The following PDE7A variants were observed in gnomAD, a reference collection of about 807,000 sequenced individuals.
PDE7A encodes phosphodiesterase 7A, also known as high affinity 3',5'-cyclic-AMP phosphodiesterase 7A.
Under a neutral mutation model 64.3 loss-of-function variants are expected in PDE7A, and 39 were observed. The observed-to-expected ratio is 0.61, with a 90% CI of 0.47 to 0.79. PDE7A has a LOEUF of 0.79. Ranked by LOEUF, PDE7A falls within the 30% of genes least tolerant of loss-of-function variation. The pLI is 0.00. For missense variants in PDE7A, 470 were observed against 582.8 expected, an observed-to-expected ratio of 0.81 and a Z score of 1.99; for synonymous variants, 203 against 206.8, an observed-to-expected ratio of 0.98 and a Z score of 0.16.
intron 3 of PDE7A, among the ~76,000 whole-genome samples, chr8:65,749,433 G>A (rs1807832467): frequency 6.6e-6 from 1 of 152,226 alleles, no homozygotes; most frequent in South Asian, 2.1e-4. Flanking sequence ...TGAGTAAAAT[G>A]CAAGTATCTA....
chr8:65,766,722 T>C (rs1215214355), intron 3 of PDE7A, among the ~76,000 whole-genome samples: 1 of 152,216 alleles, frequency 6.6e-6, no homozygotes, highest in Non-Finnish European at 1.5e-5. Context: ...CTCATTGTTA[T>C]TAAGTGCCTC....
chr8:65,783,676 A>G (rs1225279386), intron 1 of PDE7A, among the ~76,000 whole-genome samples: 1 of 152,234 alleles, frequency 6.6e-6, no homozygotes, highest in East Asian at 1.9e-4. Context: ...ACAAGAGCAG[A>G]AACTTTGTCT....
At position 65,782,640 on chromosome 8, in the gene PDE7A, T is replaced by TTTCCAGTATTGAA. The variant is rs750513836; in HGVS notation, c.199+142_199+143insTTCAATACTGGAA. 4.9e-4 allele frequency: 279 copies of TTTCCAGTATTGAA among 571,126 alleles called. 1 individual carries two copies. The highest frequency in any genetic ancestry group is 2.9e-4 in the Non-Finnish European group (93 of 319,428). 35.4% of individuals were successfully genotyped at this position (571,126 alleles called of 1,614,324 possible). ...TTATTCACATCACATTCAATATTGG[T>TTTCCAGTATTGAA]TTCCAGACTCTAAACTCCATGAATA... On this transcript the variant is annotated intron_variant, in intron 2 of 12. Transcript: ENST00000401827.
In PDE7A at chr8:65,747,816, G is replaced by A; in HGVS notation, c.284-13C>T. The A allele has an allele frequency of 6.3e-7, 1 of 1,584,062 alleles. No homozygotes were observed. Among genetic ancestry groups the A allele is most frequent in the Non-Finnish European group, 8.6e-7 (1 of 1,159,752 alleles). Reference sequence around the variant, plus strand: ...ATTTCAGATTGAGCTGAAATAAAAAGAATAAAAGGTAAGTATAGCAAGTTA... The same window carrying A: ...ATTTCAGATTGAGCTGAAATAAAAAAAATAAAAGGTAAGTATAGCAAGTTA... On this transcript the variant is annotated splice_polypyrimidine_tract_variant and intron_variant, in intron 3 of 12. Coordinates refer to ENST00000401827, the MANE Select transcript of PDE7A (RefSeq NM_001242318.3).
chr8:65,730,167 ACTT>A (rs201329414), intron 7 of PDE7A, among the ~76,000 whole-genome samples: 1 of 29,172 alleles, frequency 3.4e-5, no homozygotes. Flanking sequence ...CAGGTTGCGC[ACTT>A]CTTTTTTTTT....
intron 3 of PDE7A, among the ~76,000 whole-genome samples, chr8:65,759,438 A>G (rs553715675): frequency 6.6e-6 from 1 of 152,184 alleles, no homozygotes; most frequent in South Asian, 2.1e-4. Flanking sequence ...CTTCAGCCAG[A>G]TACTGCAGGC....
chr8:65,728,215 A>C (rs1806687214), intron 7 of PDE7A: 1 of 152,212 alleles, frequency 6.6e-6, no homozygotes, highest in Non-Finnish European at 1.5e-5. Context: ...TTGAGCATAC[A>C]CCACTTATAT....
At position 65,822,941 on chromosome 8, in the gene PDE7A, TTATC is replaced by T. The variant is rs149238076; in HGVS notation, c.138+18426_138+18429del. Among the ~76,000 whole-genome samples the T allele has an allele frequency of 8.6e-3, 1,286 of 148,918 alleles. 7 individuals carry two copies. The highest frequency in any genetic ancestry group is 0.011 in the African/African-American group (433 of 38,596). On this transcript the variant is annotated intron_variant, in intron 1 of 12. Coordinates refer to ENST00000401827, the MANE Select transcript of PDE7A (RefSeq NM_001242318.3). ...GCACTTATTATCTTATCTATTAACT[TTATC>T]TATCTATCTATCTATCTATATACAC...
chr8:65,791,339 T>C (rs1370364419), intron 1 of PDE7A, among the ~76,000 whole-genome samples: 1 of 152,214 alleles, frequency 6.6e-6, no homozygotes, highest in African/African-American at 2.4e-5. Context: ...CTCCCCTTCA[T>C]GGGAGGTAAG....
intron 7 of PDE7A, among the ~76,000 whole-genome samples, chr8:65,730,249 C>T (rs1169781161): frequency 1.5e-5 from 2 of 135,378 alleles, no homozygotes; most frequent in East Asian, 5.1e-4. Context: ...GGCGCAATCA[C>T]GGCTCACCGA....
At position 65,755,008 on chromosome 8, in the gene PDE7A, A is replaced by AT. The variant is rs913405237; in HGVS notation, c.284-7206dup. ...AAAATTCTTCCATCATTGCCTGTTT[A>AT]TTTTTTTTTTCACTTATTTTTTTTT... is the stretch of plus-strand genomic sequence containing the variant. On this transcript the variant is annotated intron_variant, in intron 3 of 12. Coordinates refer to ENST00000401827, the MANE Select transcript of PDE7A (RefSeq NM_001242318.3). Among the ~76,000 whole-genome samples the AT allele has an allele frequency of 1.7e-3, 249 of 143,390 alleles. 1 individual carries two copies. Among genetic ancestry groups the AT allele is most frequent in the African/African-American group, 5.4e-3 (214 of 39,378 alleles). The allele number at this position is 143,390 out of a possible 152,430, so 94.1% of individuals were successfully genotyped here. A position where few individuals can be genotyped will look rare whatever the true frequency, so the allele number is the denominator to read the frequency against.
intron 6 of PDE7A, among the ~76,000 whole-genome samples, chr8:65,736,790 G>GTTT (rs34814975): frequency 5.4e-4 from 70 of 128,776 alleles, no homozygotes; most frequent in Non-Finnish European, 4.5e-4. Context: ...AAATTTATCT[G>GTTT]TTTTTTTTTT....
At chr8:65,733,418 A>G (rs1806987260) in intron 7 of PDE7A, among the ~76,000 whole-genome samples, 1 of 152,182 alleles carries the variant, frequency 6.6e-6, no homozygotes, top group African/African-American at 2.4e-5. Flanking sequence ...CAACATTCTC[A>G]AACAGAGGAT....
intron 1 of PDE7A, among the ~76,000 whole-genome samples, chr8:65,797,521 C>T (rs1024155171): frequency 3.3e-5 from 5 of 152,368 alleles, no homozygotes; most frequent in African/African-American, 1.2e-4. Context: ...TTCAGACTTC[C>T]AGCCTCCAGA....
chr8:65,778,547 T>C (rs1173457882), intron 3 of PDE7A, among the ~76,000 whole-genome samples: 1 of 152,208 alleles, frequency 6.6e-6, no homozygotes, highest in East Asian at 1.9e-4. Context: ...CCTGACTGAA[T>C]TCCTGATTCT....
At chr8:65,803,418 C>T (rs1810041272) in intron 1 of PDE7A, among the ~76,000 whole-genome samples, 1 of 152,196 alleles carries the variant, frequency 6.6e-6, no homozygotes, top group Admixed American at 6.5e-5. Context: ...CTAGCCAGCA[C>T]TCTTGGTACT....
chr8:65,774,000 T>C (rs1310692128), intron 3 of PDE7A, among the ~76,000 whole-genome samples: 1 of 152,188 alleles, frequency 6.6e-6, no homozygotes. Flanking sequence ...CCAATCCTTA[T>C]TTATTGCAAT....
At chr8:65,794,267 A>C (rs1003821328) in intron 1 of PDE7A, among the ~76,000 whole-genome samples, 2 of 152,146 alleles carry the variant, frequency 1.3e-5, no homozygotes, top group African/African-American at 4.8e-5. Context: ...TTTCTAAGAA[A>C]GCTACTGTTA....
At chr8:65,813,426 C>A (rs1254162176) in intron 1 of PDE7A, among the ~76,000 whole-genome samples, 1 of 152,066 alleles carries the variant, frequency 6.6e-6, no homozygotes, top group Non-Finnish European at 1.5e-5. Context: ...GTTATGAAAT[C>A]CTAGTTTTTC....
Sources: gnomAD v4.1 joint callset for allele counts (sites outside exome capture counted in the v4.1 genomes callset) on GRCh38, gnomAD v4.1.1 for gene constraint, MANE v1.5 for transcripts, NCBI Gene and HGNC (gene_info 2026-07-23, HGNC 2026-07-21) for gene names.